CREB5: variants seen among roughly 807,000 people sequenced by gnomAD.
CREB5 encodes cAMP responsive element binding protein 5.
CREB5 carries 19 observed loss-of-function variants against 57.1 expected under a neutral mutation model. That is an observed-to-expected ratio of 0.33 (90% CI 0.23 to 0.49). CREB5 has a LOEUF of 0.49. CREB5 is among the 20% of genes least tolerant of loss of function. The pLI is 0.99. For synonymous variants in CREB5, 238 were observed against 238.3 expected, an observed-to-expected ratio of 1.00 and a Z score of 0.01; for missense variants, 579 against 671.6, an observed-to-expected ratio of 0.86 and a Z score of 1.52.
At chr7:28,345,273 C>CTTTTTTTTTTTTTT (rs58373526) in intron 1 of CREB5, among the ~76,000 whole-genome samples, 4 of 148,560 alleles carry the variant, frequency 2.7e-5, no homozygotes, top group Non-Finnish European at 1.5e-5. Flanking sequence ...CAAAACAAGT[C>CTTTTTTTTTTTTTT]TTTTTTTTTT....
rs112499239 is a variant in CREB5 at position 28,343,192 on chromosome 7, G to A, written c.-25+43751G>A. Among the ~76,000 whole-genome samples, 961 of 152,164 alleles carry A rather than the reference G, an allele frequency of 6.3e-3. 5 individuals are homozygous for A. The highest frequency in any genetic ancestry group is 0.022 in the African/African-American group (905 of 41,508). The stretch of plus-strand genomic sequence containing the variant: ...CCTGACTTTGTGATCTGCCTGCCTC[G>A]GCCTCCGAAAGTGCTGGGATTACAG... On this transcript the variant is annotated intron_variant, in intron 1 of 9. Coordinates refer to the CREB5 transcript ENST00000396299.
intron 1 of CREB5, among the ~76,000 whole-genome samples, chr7:28,329,278 C>T (rs886373595): frequency 3.3e-5 from 5 of 152,118 alleles, no homozygotes; most frequent in South Asian, 2.1e-4. Context: ...TGGCATCATG[C>T]GCTTCATCAC....
intron 1 of CREB5, among the ~76,000 whole-genome samples, chr7:28,436,816 T>C (rs1399063166): frequency 6.6e-6 from 1 of 152,136 alleles, no homozygotes; most frequent in African/African-American, 2.4e-5. Flanking sequence ...TCACACCATT[T>C]GATTGTGAGA....
intron 7 of CREB5, among the ~76,000 whole-genome samples, chr7:28,725,644 T>TAAAA (rs1562598167): frequency 7.3e-6 from 1 of 136,778 alleles, no homozygotes; most frequent in Non-Finnish European, 1.6e-5. Context: ...ATATCTTTTT[T>TAAAA]TAAAAAAAAA....
intron 1 of CREB5, among the ~76,000 whole-genome samples, chr7:28,333,402 C>T (rs754678154): frequency 3.9e-5 from 6 of 151,934 alleles, no homozygotes; most frequent in South Asian, 2.1e-4. Flanking sequence ...AAAAACAATC[C>T]GATTATACTC....
At chr7:28,345,505 G>A (rs1786040519) in intron 1 of CREB5, among the ~76,000 whole-genome samples, 1 of 152,142 alleles carries the variant, frequency 6.6e-6, no homozygotes, top group Non-Finnish European at 1.5e-5. Context: ...AATGGTGCTG[G>A]GAGGGGCCAG....
At chr7:28,654,604 T>C (rs1799265004) in intron 5 of CREB5, among the ~76,000 whole-genome samples, 1 of 152,218 alleles carries the variant, frequency 6.6e-6, no homozygotes, top group Non-Finnish European at 1.5e-5. Flanking sequence ...CTGTACTGCA[T>C]TTTGTAAGTT....
intron 5 of CREB5, among the ~76,000 whole-genome samples, chr7:28,590,208 G>A (rs891257122): frequency 2.0e-5 from 3 of 152,038 alleles, no homozygotes; most frequent in African/African-American, 7.2e-5. Context: ...AAATCATGCT[G>A]CTATAAAGAC....
At chr7:28,458,852 G>C (rs1790225321) in intron 1 of CREB5, among the ~76,000 whole-genome samples, 1 of 152,210 alleles carries the variant, frequency 6.6e-6, no homozygotes, top group Non-Finnish European at 1.5e-5. Context: ...GGAAATGGCA[G>C]TTCCCATAGG....
At chr7:28,721,716 C>T (rs1298952069) in intron 6 of CREB5, among the ~76,000 whole-genome samples, 1 of 152,184 alleles carries the variant, frequency 6.6e-6, no homozygotes, top group African/African-American at 2.4e-5. Context: ...TGCCAAGTAC[C>T]GTGCTGGGTG....
At chr7:28,375,119 T>C (rs1442546421) in intron 1 of CREB5, among the ~76,000 whole-genome samples, 1 of 152,162 alleles carries the variant, frequency 6.6e-6, no homozygotes, top group Non-Finnish European at 1.5e-5. Context: ...ATGTAAAGCA[T>C]ACCTCCATAA....
intron 1 of CREB5, among the ~76,000 whole-genome samples, chr7:28,445,732 T>C (rs770050023): frequency 6.6e-6 from 1 of 151,816 alleles, no homozygotes; most frequent in Admixed American, 6.6e-5. Flanking sequence ...TTTGTATTTT[T>C]AGTTGAGATG....
chr7:28,410,190 G>T (rs1787717541), upstream of CREB5: 1 of 451,332 alleles, frequency 2.2e-6, no homozygotes, highest in African/African-American at 2.0e-5. Flanking sequence ...CCCTCGGAGG[G>T]CGCTTGGCTT....
intron 5 of CREB5, among the ~76,000 whole-genome samples, chr7:28,613,126 A>G (rs1377271190): frequency 6.6e-6 from 1 of 152,202 alleles, no homozygotes; most frequent in African/African-American, 2.4e-5. Flanking sequence ...TTTCACCTCT[A>G]TACCTCAGCA....
intron 7 of CREB5, among the ~76,000 whole-genome samples, chr7:28,776,457 ATTTATATTATTTCTGCTT>A (rs1428062571): frequency 6.6e-6 from 1 of 152,150 alleles, no homozygotes; most frequent in African/African-American, 2.4e-5. Flanking sequence ...AAAATTTTAA[ATTTATATTATTTCTGCTT>A]TTTATTTGGA....
chr7:28,365,662 T>C (rs576433160), intron 1 of CREB5, among the ~76,000 whole-genome samples: 57 of 152,308 alleles, frequency 3.7e-4, no homozygotes, highest in African/African-American at 1.4e-3. Context: ...ACTGGGCATC[T>C]GGCCCCTTCA....
chr7:28,307,591 C>T (rs2127980493), intron 1 of CREB5, among the ~76,000 whole-genome samples: 1 of 152,354 alleles, frequency 6.6e-6, no homozygotes, highest in Admixed American at 6.5e-5. Flanking sequence ...AGACAGTTGC[C>T]ATCTGGCAAA....
intron 7 of CREB5, among the ~76,000 whole-genome samples, chr7:28,773,987 T>A (rs1436527238): frequency 2.0e-5 from 3 of 152,196 alleles, no homozygotes; most frequent in Admixed American, 2.0e-4. Flanking sequence ...CCCAGGTCAT[T>A]TCTCTCCTAT....
chr7:28,742,722 C>T (rs1199500734), intron 7 of CREB5, among the ~76,000 whole-genome samples: 1 of 152,146 alleles, frequency 6.6e-6, no homozygotes, highest in African/African-American at 2.4e-5. Context: ...CCTCATTCAC[C>T]TCTCAGGATA....
Sources: allele counts gnomAD v4.1 joint callset (sites outside exome capture counted in the v4.1 genomes callset), GRCh38; gene constraint gnomAD v4.1.1; transcripts MANE v1.5; gene names NCBI Gene and HGNC (gene_info 2026-07-23, HGNC 2026-07-21).